The following CSGALNACT1 variants were observed in gnomAD, a reference collection of about 807,000 sequenced individuals.
CSGALNACT1 encodes the protein beta4GalNAcT-1.
Under a neutral mutation model 51.0 loss-of-function variants are expected in CSGALNACT1, and 52 were observed. The ratio of observed to expected loss-of-function variants is 1.02; its 90% CI spans 0.82 to 1.29. The LOEUF is 1.29. Ranked by LOEUF, CSGALNACT1 falls within the 50% of genes most tolerant of loss-of-function variation. CSGALNACT1 has a pLI of 0.00. For synonymous variants in CSGALNACT1, 341 were observed against 254.4 expected, an observed-to-expected ratio of 1.34 and a Z score of -3.24; for missense variants, 935 against 679.2, an observed-to-expected ratio of 1.38 and a Z score of -4.19.
intron 2 of CSGALNACT1, among the ~76,000 whole-genome samples, chr8:19,600,314 T>C (rs760910259): frequency 3.3e-5 from 5 of 152,188 alleles, no homozygotes; most frequent in Admixed American, 2.0e-4. Flanking sequence ...ACTCTTGACC[T>C]TGTGATCCAC....
At chr8:19,408,499 AAGGC>A in intron 9 of CSGALNACT1, 110 bp downstream of exon 8, 1 of 114,914 alleles carries the variant, frequency 8.7e-6, no homozygotes, top group Non-Finnish European at 1.6e-5. Flanking sequence ...TTTTTTTTTG[AAGGC>A]AATGGTACCA....
exon 1 of CSGALNACT1, chr8:19,602,066 T>G (rs79840700): frequency 1.3e-5 from 4 of 317,776 alleles, no homozygotes; most frequent in Non-Finnish European, 2.5e-5. Flanking sequence ...TAAAAAAAAA[T>G]CAAGGCTTTA....
At chr8:19,610,655 G>T (rs2052112957) in intron 1 of CSGALNACT1, among the ~76,000 whole-genome samples, 1 of 152,172 alleles carries the variant, frequency 6.6e-6, no homozygotes, top group Non-Finnish European at 1.5e-5. Context: ...GAAAGCCCAG[G>T]CCACCGAGTG....
intron 5 of CSGALNACT1, 111 bp from the exon 5 acceptor site, chr8:19,440,042 A>G: frequency 1.2e-6 from 1 of 861,214 alleles, no homozygotes; most frequent in South Asian, 1.4e-5. Flanking sequence ...AACTAGGTAA[A>G]CTTCCAGGAG....
intron 6 of CSGALNACT1, among the ~76,000 whole-genome samples, chr8:19,422,687 C>T (rs1037057715): frequency 2.6e-5 from 4 of 152,348 alleles, no homozygotes; most frequent in Admixed American, 6.5e-5. Context: ...GCTATCCTCC[C>T]GTCTCCAAAG....
At chr8:19,651,818 C>G (rs140089460) in intron 1 of CSGALNACT1, among the ~76,000 whole-genome samples, 194 of 152,206 alleles carry the variant, frequency 1.3e-3, no homozygotes, top group African/African-American at 4.4e-3. Context: ...TTTTGAAGTT[C>G]TTTCAGAAAT....
intron 1 of CSGALNACT1, among the ~76,000 whole-genome samples, chr8:19,701,153 G>GTTTTTTGTT (rs2061847152): frequency 3.2e-5 from 3 of 93,280 alleles, no homozygotes; most frequent in East Asian, 3.4e-4. Flanking sequence ...TCTATTATCC[G>GTTTTTTGTT]TTTTTTTTTT....
At chr8:19,725,933 C>T (rs950908979) in intron 1 of CSGALNACT1, among the ~76,000 whole-genome samples, 2 of 152,158 alleles carry the variant, frequency 1.3e-5, no homozygotes, top group African/African-American at 2.4e-5. Context: ...TCAGGCTTCA[C>T]TCTCGGTATT....
chr8:19,476,786 CCA>C (rs1211753871), intron 4 of CSGALNACT1, among the ~76,000 whole-genome samples: 7 of 152,162 alleles, frequency 4.6e-5, no homozygotes, highest in Admixed American at 1.3e-4. Flanking sequence ...CATGGGAACT[CCA>C]GCCAGCAGTC....
At chr8:19,605,158 C>T (rs1018521134), upstream of CSGALNACT1, among the ~76,000 whole-genome samples, 1 of 152,190 alleles carries the variant, frequency 6.6e-6, no homozygotes, top group Non-Finnish European at 1.5e-5. Context: ...AGGAAAGCGA[C>T]TGCAGTTAGA....
intron 3 of CSGALNACT1, among the ~76,000 whole-genome samples, chr8:19,537,772 A>G (rs2084093488): frequency 6.6e-6 from 1 of 152,248 alleles, no homozygotes; most frequent in South Asian, 2.1e-4. Context: ...GTTAAATGTA[A>G]GAGATTAAAC....
At chr8:19,408,891 C>T (rs1476458659) in intron 8 of CSGALNACT1, among the ~76,000 whole-genome samples, 197 bp from the exon 8 acceptor site, 1 of 151,078 alleles carries the variant, frequency 6.6e-6, no homozygotes, top group East Asian at 1.9e-4. Context: ...AGTCCCAAAA[C>T]AAGGTCTTGT....
At chr8:19,699,389 A>G (rs561090780) in intron 1 of CSGALNACT1, among the ~76,000 whole-genome samples, 1 of 152,308 alleles carries the variant, frequency 6.6e-6, no homozygotes, top group South Asian at 2.1e-4. Flanking sequence ...AAACAACCCA[A>G]CTGTCCATCA....
At chr8:19,653,500 A>G (rs999933630) in intron 1 of CSGALNACT1, among the ~76,000 whole-genome samples, 1 of 152,136 alleles carries the variant, frequency 6.6e-6, no homozygotes, top group African/African-American at 2.4e-5. Flanking sequence ...CCAAATCACA[A>G]TCTTCAGCTG....
rs544582704 is a variant in CSGALNACT1, at chr8:19,547,526, G to A, written c.-296-41396C>T. The stretch of plus-strand genomic sequence containing the variant: ...TTGTAAGGGGTTTCCCCCTTCGCTT[G>A]GCTCTCGTTTCTTTGCACTTGCCTG... On this transcript the variant is annotated intron_variant, in intron 3 of 9. Transcript: ENST00000454498. Among the ~76,000 whole-genome samples the A allele has an allele frequency of 2.6e-5, 4 of 152,204 alleles. No individual in the cohort carries two copies. In the South Asian group the frequency reaches 8.3e-4, roughly 32 times the overall value.
chr8:19,540,230 A>C (rs1340505304), intron 3 of CSGALNACT1, among the ~76,000 whole-genome samples: 1 of 152,172 alleles, frequency 6.6e-6, no homozygotes, highest in Admixed American at 6.5e-5. Flanking sequence ...CCAGAACATC[A>C]TGTCCTATCC....
At chr8:19,618,187 G>A (rs2053300734) in intron 1 of CSGALNACT1, among the ~76,000 whole-genome samples, 1 of 152,110 alleles carries the variant, frequency 6.6e-6, no homozygotes. Context: ...GGCTATGCCT[G>A]TACGCTTCAA....
intron 3 of CSGALNACT1, among the ~76,000 whole-genome samples, chr8:19,547,610 T>G (rs2086781383): frequency 2.0e-5 from 3 of 152,198 alleles, no homozygotes; most frequent in Admixed American, 2.0e-4. Context: ...CCCAGCCATG[T>G]GGAACTGTGA....
At chr8:19,671,001 T>C (rs1315455390) in intron 1 of CSGALNACT1, among the ~76,000 whole-genome samples, 1 of 152,124 alleles carries the variant, frequency 6.6e-6, no homozygotes, top group African/African-American at 2.4e-5. Flanking sequence ...AAACTGACAT[T>C]AGACGAAAAC....
Sources: allele counts gnomAD v4.1 joint callset (sites outside exome capture counted in the v4.1 genomes callset), GRCh38; gene constraint gnomAD v4.1.1; transcripts MANE v1.5; gene names NCBI Gene and HGNC (gene_info 2026-07-23, HGNC 2026-07-21).